Variants in NELL1 observed in about 807,000 individuals in gnomAD.
NELL1 encodes the protein protein kinase C-binding protein NELL1.
In NELL1, 76 loss-of-function variants were observed where a neutral mutation model predicts 107.4. The observed-to-expected ratio is 0.71, with a 90% confidence interval of 0.59 to 0.86. The LOEUF is 0.86. NELL1 is among the 40% of genes least tolerant of loss of function. The probability of loss-of-function intolerance (pLI) is 0.00; values close to 1 mark genes in which losing one functional copy is unlikely to be tolerated. For synonymous variants in NELL1, 353 were observed against 341.2 expected, an observed-to-expected ratio of 1.03 and a Z score of -0.38; for missense variants, 1,024 against 1,005.5, an observed-to-expected ratio of 1.02 and a Z score of -0.25.
intron 12 of NELL1, among the ~76,000 whole-genome samples, chr11:21,003,725 G>A (rs1017238094): frequency 6.6e-6 from 1 of 151,906 alleles, no homozygotes; most frequent in African/African-American, 2.4e-5. Flanking sequence ...CCTCTCTGAG[G>A]GTCTCTGACT....
At chr11:21,014,654 C>CT (rs1336799850) in intron 12 of NELL1, among the ~76,000 whole-genome samples, 2 of 152,088 alleles carry the variant, frequency 1.3e-5, no homozygotes, top group African/African-American at 2.4e-5. Context: ...TCTTGGAGGG[C>CT]TGACACTATG....
chr11:20,908,137 A>G (rs1850045460), intron 5 of NELL1, among the ~76,000 whole-genome samples: 1 of 152,218 alleles, frequency 6.6e-6, no homozygotes, highest in African/African-American at 2.4e-5. Flanking sequence ...TGTGGAAGAC[A>G]GTATGGCAAT....
At chr11:21,535,647 T>C (rs1028288814) in intron 16 of NELL1, among the ~76,000 whole-genome samples, 1 of 152,196 alleles carries the variant, frequency 6.6e-6, no homozygotes, top group Non-Finnish European at 1.5e-5. Context: ...GCTCTGCTGC[T>C]TCTAAGTCAT....
chr11:21,463,335 G>A (rs554067466), intron 15 of NELL1, among the ~76,000 whole-genome samples: 6 of 152,154 alleles, frequency 3.9e-5, no homozygotes, highest in African/African-American at 7.2e-5. Context: ...ATTTATTTGT[G>A]CAAATTAATA....
At chr11:20,824,552 A>G (rs534142626) in intron 3 of NELL1, among the ~76,000 whole-genome samples, 1 of 151,402 alleles carries the variant, frequency 6.6e-6, no homozygotes, top group East Asian at 1.9e-4. Context: ...AAAGTTTAGA[A>G]CTTCCTAGAG....
intron 15 of NELL1, among the ~76,000 whole-genome samples, chr11:21,436,509 T>C (rs1853125837): frequency 6.6e-6 from 1 of 152,186 alleles, no homozygotes; most frequent in Non-Finnish European, 1.5e-5. Flanking sequence ...TCATTTCTGA[T>C]TTTATTTATT....
chr11:21,080,108 T>G (rs1854230511), intron 12 of NELL1, among the ~76,000 whole-genome samples: 1 of 152,068 alleles, frequency 6.6e-6, no homozygotes, highest in African/African-American at 2.4e-5. Context: ...GCTAAGTGCT[T>G]TACAGTATTA....
At chr11:20,691,209 T>C (rs957547508) in intron 2 of NELL1, among the ~76,000 whole-genome samples, 4 of 152,164 alleles carry the variant, frequency 2.6e-5, no homozygotes, top group Non-Finnish European at 5.9e-5. Context: ...TTTCTAGATA[T>C]GCAATCATGT....
At chr11:20,772,350 G>A (rs917678584) in intron 2 of NELL1, among the ~76,000 whole-genome samples, 1 of 152,172 alleles carries the variant, frequency 6.6e-6, no homozygotes, top group African/African-American at 2.4e-5. Flanking sequence ...AAGCTACAAA[G>A]TTGGAGTCAG....
intron 1 of NELL1, 96 bp from the exon 2 acceptor site, chr11:20,677,835 GC>G (rs1486711942): frequency 1.4e-5 from 20 of 1,417,802 alleles, no homozygotes; most frequent in African/African-American, 4.2e-5. Context: ...CTCATCATTG[GC>G]TTCCTTGTAT....
intron 15 of NELL1, among the ~76,000 whole-genome samples, chr11:21,409,137 T>A (rs1303794056): frequency 2.6e-5 from 4 of 152,020 alleles, no homozygotes; most frequent in Non-Finnish European, 5.9e-5. Flanking sequence ...CACACGTATG[T>A]TTATTGCGGC....
intron 2 of NELL1, chr11:20,773,489 G>A (rs1856680219): frequency 6.6e-6 from 1 of 151,698 alleles, no homozygotes; most frequent in South Asian, 2.1e-4. Flanking sequence ...TGTGAAATTG[G>A]ATTTTTTTTT....
At chr11:20,867,624 A>C (rs1849119893) in intron 4 of NELL1, among the ~76,000 whole-genome samples, 2 of 152,192 alleles carry the variant, frequency 1.3e-5, no homozygotes, top group Admixed American at 1.3e-4. Context: ...AATTATTATT[A>C]GTTTGCATAG....
chr11:20,823,560 G>A (rs1857807522), intron 3 of NELL1, among the ~76,000 whole-genome samples: 1 of 151,300 alleles, frequency 6.6e-6, no homozygotes. Context: ...AGAAGACATG[G>A]CTGAATATTT....
intron 2 of NELL1, among the ~76,000 whole-genome samples, chr11:20,713,278 T>A (rs1378567609): frequency 6.6e-6 from 1 of 152,078 alleles, no homozygotes; most frequent in Admixed American, 6.6e-5. Flanking sequence ...AGAAATACCA[T>A]CAGGTGGGGG....
chr11:21,573,566 A>ATT (rs1281560061), intron 19 of NELL1, among the ~76,000 whole-genome samples, 157 bp downstream of exon 19: 3 of 152,014 alleles, frequency 2.0e-5, no homozygotes, highest in African/African-American at 7.2e-5. Context: ...ATGTATGAAT[A>ATT]TTATCATAGC....
At chr11:21,573,631 T>A (rs184563410) in intron 19 of NELL1, among the ~76,000 whole-genome samples, 16 of 152,012 alleles carry the variant, frequency 1.1e-4, no homozygotes, top group Non-Finnish European at 1.9e-4. Flanking sequence ...GAATTGCTCC[T>A]GCCTTTGAAC....
intron 14 of NELL1, among the ~76,000 whole-genome samples, chr11:21,347,428 C>T (rs182930903): frequency 6.6e-6 from 1 of 152,022 alleles, no homozygotes; most frequent in African/African-American, 2.4e-5. Flanking sequence ...CATGGTGAAA[C>T]CCCATCTCTA....
At chr11:20,955,756 T>C (rs1335281373) in intron 11 of NELL1, among the ~76,000 whole-genome samples, 1 of 152,210 alleles carries the variant, frequency 6.6e-6, no homozygotes, top group Admixed American at 6.5e-5. Context: ...ATGAAACTTA[T>C]CATTATTATT....
Sources: gnomAD v4.1 joint callset for allele counts (sites outside exome capture counted in the v4.1 genomes callset) on GRCh38, gnomAD v4.1.1 for gene constraint, MANE v1.5 for transcripts, NCBI Gene and HGNC (gene_info 2026-07-23, HGNC 2026-07-21) for gene names.